MXD3: variants seen among roughly 807,000 people sequenced by gnomAD.
MXD3 encodes the protein Max-associated protein 3.
A neutral mutation model predicts 27.5 loss-of-function variants in MXD3; 20 were observed. The ratio of observed to expected loss-of-function variants is 0.73; its 90% CI spans 0.51 to 1.06. The LOEUF (loss-of-function observed/expected upper bound fraction) is 1.06. Among genes scored for constraint, MXD3 ranks in the 50% least tolerant of loss-of-function variants. The pLI is 0.00. For missense variants in MXD3, 298 were observed against 291.3 expected (o/e 1.02, Z -0.17); for synonymous variants, 150 against 130.7 (o/e 1.15, Z -1.01).
upstream of MXD3, chr5:177,311,957 CGCCCGCGGGAACGCCCA>C: frequency 7.5e-7 from 1 of 1,328,720 alleles, no homozygotes. Context: ...CGGGACGCCC[CGCCCGCGGGAACGCCCA>C]GCCCTTGGCT....
Position 177,307,313 on chromosome 5 carries a change from TGGG to T in MXD3, c.*272_*274del. On this transcript the variant is annotated 3_prime_UTR_variant, in exon 6 of 6. Coordinates refer to ENST00000439742, the MANE Select transcript of MXD3 (RefSeq NM_031300.4). Reference sequence around the variant, plus strand: ...AGGCCCAAGAGGCTTCCTGTCCCCTTGGGGGCAGCAGAGCCAAATGCTTGGGCT... The same window carrying T: ...AGGCCCAAGAGGCTTCCTGTCCCCTTGGCAGCAGAGCCAAATGCTTGGGCT... The T allele has an allele frequency of 6.5e-7, 1 of 1,547,142 alleles. No individual in the cohort carries two copies. The highest frequency in any genetic ancestry group is 8.7e-7 in the Non-Finnish European group (1 of 1,143,868).
At chr5:177,306,073 C>T (rs780815293), downstream of MXD3, 7 of 1,603,516 alleles carry the variant, frequency 4.4e-6, no homozygotes, top group East Asian at 2.2e-5. Context: ...AACTCAGTAT[C>T]CTTCCCATTC....
intron 2 of MXD3, chr5:177,310,918 T>C (rs1761019222): frequency 3.3e-6 from 2 of 610,560 alleles, no homozygotes; most frequent in East Asian, 5.5e-5. Context: ...CAGGTGGGTA[T>C]GAGGGCCCTA....
In MXD3 at chr5:177,307,879, T is replaced by C; in HGVS notation, c.407A>G (p.Gln136Arg). Reference sequence around the variant, plus strand: ...GGCCGCCCCTGCCAGCCCCCGGAGCTGCTCCAGCTGCCGCTGCAGGCTCTG... The same window carrying C: ...GGCCGCCCCTGCCAGCCCCCGGAGCCGCTCCAGCTGCCGCTGCAGGCTCTG... ...KQQSLQRQLE[Q>R]LRGLAGAAER... The change falls in exon 5 of 6, where the codon CAG becomes CGG. Residue 136 changes from glutamine to arginine, a missense_variant. Transcript: ENST00000439742. 2 of 1,606,516 alleles carry C rather than the reference T, an allele frequency of 1.2e-6. No homozygotes were observed. Among genetic ancestry groups the C allele is most frequent in the Admixed American group, 3.4e-5 (2 of 59,450 alleles).
At chr5:177,308,056 G>C (rs1339871527) in intron 4 of MXD3, 92 bp from the exon 5 acceptor site, 7 of 1,229,226 alleles carry the variant, frequency 5.7e-6, no homozygotes, top group Non-Finnish European at 7.7e-6. Context: ...CACGGCCACA[G>C]GGCCAATGCC....
chr5:177,309,114 A>G (rs1760973794), intron 4 of MXD3, among the ~76,000 whole-genome samples: 1 of 152,214 alleles, frequency 6.6e-6, no homozygotes, highest in South Asian at 2.1e-4. Flanking sequence ...TCTGTGGGGC[A>G]CAGGGAGAGA....
chr5:177,307,012 C>G, downstream of MXD3: 1 of 1,435,116 alleles, frequency 7.0e-7, no homozygotes, highest in Non-Finnish European at 9.2e-7. Flanking sequence ...GTTTTTGGAC[C>G]TCAGGCGAGT....
chr5:177,307,888 T>G lies in MXD3; in HGVS notation c.398A>C (p.Gln133Pro). ...TGCCAGCCCCCGGAGCTGCTCCAGCTGCCGCTGCAGGCTCTGCTGCTTGCT... is the reference window on the plus strand; with the variant it reads ...TGCCAGCCCCCGGAGCTGCTCCAGCGGCCGCTGCAGGCTCTGCTGCTTGCT... Reference protein sequence around the residue: ...LRSKQQSLQRQLEQLRGLAGA... With the variant: ...LRSKQQSLQRPLEQLRGLAGA... The change falls in exon 5 of 6, where the codon CAG becomes CCG. Residue 133 changes from glutamine to proline, a missense_variant. Transcript: ENST00000439742. 6.2e-7 allele frequency: 1 copy of G among 1,605,698 alleles called. No homozygotes were observed. Among genetic ancestry groups the G allele is most frequent in the Non-Finnish European group, 8.5e-7 (1 of 1,176,824 alleles).
intron 3 of MXD3, 33 bp downstream of exon 3, chr5:177,310,635 G>A: frequency 6.2e-7 from 1 of 1,614,138 alleles, no homozygotes; most frequent in Non-Finnish European, 8.5e-7. Flanking sequence ...GGCCCCTGGG[G>A]GCTGGCGCTG....
chr5:177,306,920 T>C (rs573953633), downstream of MXD3: 12 of 807,972 alleles, frequency 1.5e-5, no homozygotes, highest in Non-Finnish European at 2.1e-5. Context: ...TAGCACATAA[T>C]AGACACTCAA....
In MXD3 at chr5:177,307,420, T is replaced by G. The variant is rs1760910883; in HGVS notation, c.*168A>C. 2 of 1,503,406 alleles carry G rather than the reference T, an allele frequency of 1.3e-6. No individual in the cohort carries two copies. Among genetic ancestry groups the G allele is most frequent in the South Asian group, 2.4e-5 (2 of 83,298 alleles). The allele number at this position is 1,503,406 out of a possible 1,614,324, so 93.1% of individuals were successfully genotyped here. On this transcript the variant is annotated 3_prime_UTR_variant, in exon 6 of 6. Coordinates refer to ENST00000439742, the MANE Select transcript of MXD3 (RefSeq NM_031300.4). ...CCCCTTCCCTTCCAGAGGGCCTGCCTGGCAGCCAGCAGCAGGGTGTTTGGG... is the reference window on the plus strand; with the variant it reads ...CCCCTTCCCTTCCAGAGGGCCTGCCGGGCAGCCAGCAGCAGGGTGTTTGGG...
chr5:177,311,901 A>G (rs1761049373), upstream of MXD3: 2 of 1,536,182 alleles, frequency 1.3e-6, no homozygotes, highest in Non-Finnish European at 1.8e-6. Flanking sequence ...CTTTTGTTAC[A>G]AAGTAACTGA....
downstream of MXD3, chr5:177,306,070 T>C: frequency 1.9e-6 from 3 of 1,603,426 alleles, no homozygotes; most frequent in Non-Finnish European, 2.6e-6. Context: ...GGCAACTCAG[T>C]ATCCTTCCCA....
downstream of MXD3, chr5:177,307,172 T>G: frequency 6.5e-7 from 1 of 1,549,456 alleles, no homozygotes; most frequent in Admixed American, 2.0e-5. Context: ...TGGTTGGGAG[T>G]TCCCCCGTTT....
intron 2 of MXD3, chr5:177,311,035 G>A (rs1266386278): frequency 1.8e-6 from 1 of 566,670 alleles, no homozygotes; most frequent in East Asian, 2.9e-5. Flanking sequence ...ATTCAAATAG[G>A]AGGGAACAGC....
intron 2 of MXD3, 198 bp downstream of exon 2, chr5:177,311,181 G>T: frequency 1.9e-6 from 1 of 527,012 alleles, no homozygotes; most frequent in East Asian, 3.2e-5. Flanking sequence ...ACATCTAGAG[G>T]TGCTCAAGAA....
rs1761034152 is a variant in MXD3, at chr5:177,311,368, G to A, written c.176+11C>T. On this transcript the variant is annotated intron_variant, in intron 2 of 5. Transcript: ENST00000439742. ...CCCCACCCCCACTCCCGCCGCCCCC[G>A]GCCTCCTCACCGCCCGCTGTCCTGC... The A allele has an allele frequency of 4.2e-6, 3 of 707,472 alleles. No homozygotes were observed. Among genetic ancestry groups the A allele is most frequent in the Non-Finnish European group, 5.9e-6 (3 of 508,468 alleles). 43.8% of individuals were successfully genotyped at this position (707,472 alleles called of 1,614,324 possible).
Position 177,307,651 on chromosome 5 carries a change from C to T in MXD3, c.558G>A (p.Leu186=). ...CCTGGCCGGCGACGAAGCCCCGCAGCAGCTCGGCCTCACCCCCAAACACCA... is the reference window on the plus strand; with the variant it reads ...CCTGGCCGGCGACGAAGCCCCGCAGTAGCTCGGCCTCACCCCCAAACACCA... The part of the protein sequence containing the change: ...ESLVFGGEAE[L]LRGFVAGQEH... The change falls in exon 6 of 6, where the codon CTG becomes CTA. Residue 186 remains leucine, a synonymous_variant. Coordinates refer to ENST00000439742, the MANE Select transcript of MXD3 (RefSeq NM_031300.4). 2 of 1,613,546 alleles carry T rather than the reference C, an allele frequency of 1.2e-6. No homozygotes were observed. The highest frequency in any genetic ancestry group is 1.7e-6 in the Non-Finnish European group (2 of 1,179,950).
chr5:177,306,168 A>C, downstream of MXD3: 1 of 1,613,754 alleles, frequency 6.2e-7, no homozygotes, highest in Non-Finnish European at 8.5e-7. Flanking sequence ...ATCTTGGCTA[A>C]GCTGCAAGGT....
Sources: allele counts gnomAD v4.1 joint callset (sites outside exome capture counted in the v4.1 genomes callset), GRCh38; gene constraint gnomAD v4.1.1; transcripts MANE v1.5; gene names NCBI Gene and HGNC (gene_info 2026-07-23, HGNC 2026-07-21).